SDK1: variants seen among roughly 807,000 people sequenced by gnomAD.
SDK1 encodes the protein protein sidekick-1.
SDK1 carries 157 observed loss-of-function variants against 245.5 expected under a neutral mutation model. The observed-to-expected ratio is 0.64, with a 90% CI of 0.56 to 0.73. SDK1 has a LOEUF of 0.73. Ranked by LOEUF, SDK1 falls within the 30% of genes least tolerant of loss-of-function variation. The pLI is 0.00. For synonymous variants in SDK1, 1,647 were observed against 1,278.5 expected (o/e 1.29, Z -6.15); for missense variants, 3,583 against 3,002.3 (o/e 1.19, Z -4.52).
At chr7:3,621,412 A>G (rs1781934270) in intron 2 of SDK1, among the ~76,000 whole-genome samples, 1 of 152,212 alleles carries the variant, frequency 6.6e-6, no homozygotes, top group African/African-American at 2.4e-5. Flanking sequence ...TAAAAATTAA[A>G]TTACATAGTG....
At chr7:3,828,015 C>T (rs192897316) in intron 5 of SDK1, among the ~76,000 whole-genome samples, 5 of 152,310 alleles carry the variant, frequency 3.3e-5, no homozygotes, top group Admixed American at 6.5e-5. Context: ...CATTGCCTCA[C>T]GCCTGTAATC....
At chr7:4,045,925 C>G (rs1191563681) in intron 17 of SDK1, among the ~76,000 whole-genome samples, 2 of 151,852 alleles carry the variant, frequency 1.3e-5, no homozygotes, top group East Asian at 3.9e-4. Context: ...TTTGAAAATT[C>G]TTTTTTCTGC....
intron 4 of SDK1, among the ~76,000 whole-genome samples, chr7:3,768,855 T>C (rs543592443): frequency 1.6e-4 from 25 of 152,330 alleles, no homozygotes; most frequent in Admixed American, 3.3e-4. Flanking sequence ...TCAGTTTTCC[T>C]TCCCCACTCC....
intron 1 of SDK1, among the ~76,000 whole-genome samples, chr7:3,352,539 C>A (rs1192930889): frequency 1.2e-4 from 18 of 152,178 alleles, no homozygotes; most frequent in Admixed American, 3.3e-4. Flanking sequence ...ACCAGCTGTG[C>A]CTGTAGTTAC....
intron 5 of SDK1, among the ~76,000 whole-genome samples, chr7:3,864,583 C>T (rs1780776105): frequency 6.6e-6 from 1 of 152,190 alleles, no homozygotes; most frequent in South Asian, 2.1e-4. Flanking sequence ...CAGAGCTGAA[C>T]TTGGCCACCC....
chr7:3,843,568 C>G (rs1321930746), intron 5 of SDK1, among the ~76,000 whole-genome samples: 2 of 152,124 alleles, frequency 1.3e-5, no homozygotes, highest in African/African-American at 2.4e-5. Flanking sequence ...TTTTTTAATT[C>G]ATTATGCTTT....
At chr7:3,972,217 C>G (rs997809800) in intron 12 of SDK1, among the ~76,000 whole-genome samples, 4 of 151,730 alleles carry the variant, frequency 2.6e-5, no homozygotes, top group East Asian at 1.9e-4. Context: ...GTAGCTGGGA[C>G]TACAAGTGCC....
chr7:3,536,488 G>A (rs769819846), intron 1 of SDK1, among the ~76,000 whole-genome samples: 4 of 152,082 alleles, frequency 2.6e-5, no homozygotes, highest in Admixed American at 1.3e-4. Context: ...GACCAGCCTG[G>A]CCAACTTGGC....
intron 4 of SDK1, among the ~76,000 whole-genome samples, chr7:3,659,809 C>G (rs766571785): frequency 2.0e-5 from 3 of 152,172 alleles, no homozygotes; most frequent in Non-Finnish European, 2.9e-5. Context: ...CAGATGAAGA[C>G]AGGGTGGATG....
At chr7:3,635,034 C>T (rs529403895) in intron 2 of SDK1, among the ~76,000 whole-genome samples, 40 of 152,126 alleles carry the variant, frequency 2.6e-4, no homozygotes, top group Non-Finnish European at 5.3e-4. Context: ...TATTTCTTCC[C>T]AAAAACTTTT....
At chr7:4,256,157 T>C (rs4723545) in intron 44 of SDK1, among the ~76,000 whole-genome samples, 46,055 of 152,122 alleles carry the variant, frequency 0.3, 7,592 homozygotes, top group African/African-American at 0.42. Flanking sequence ...TGACCTCAAG[T>C]GATCCGCCTG....
chr7:3,454,232 G>A (rs1780605286), intron 1 of SDK1, among the ~76,000 whole-genome samples: 1 of 152,048 alleles, frequency 6.6e-6, no homozygotes. Flanking sequence ...GGAAAACCAG[G>A]TCCACAAATA....
intron 4 of SDK1, among the ~76,000 whole-genome samples, chr7:3,797,999 A>G (rs1021905250): frequency 7.9e-5 from 12 of 152,248 alleles, no homozygotes; most frequent in South Asian, 2.1e-4. Context: ...AGATTTCTGT[A>G]ATGTTAACAT....
intron 1 of SDK1, among the ~76,000 whole-genome samples, chr7:3,384,676 C>T (rs1298672511): frequency 6.6e-6 from 1 of 152,230 alleles, no homozygotes; most frequent in Non-Finnish European, 1.5e-5. Context: ...TCCCTTGCCA[C>T]ATCGCGAATT....
intron 9 of SDK1, among the ~76,000 whole-genome samples, chr7:3,963,824 C>T (rs1781887877): frequency 6.6e-6 from 1 of 152,022 alleles, no homozygotes; most frequent in South Asian, 2.1e-4. Context: ...CACACCCAGG[C>T]CGACGGCTAC....
At chr7:3,613,491 C>T (rs1029352151) in intron 1 of SDK1, among the ~76,000 whole-genome samples, 2 of 152,128 alleles carry the variant, frequency 1.3e-5, no homozygotes, top group African/African-American at 2.4e-5. Context: ...GAGTTACAGG[C>T]ATTCTAACTG....
At chr7:3,406,222 A>T (rs1428845273) in intron 1 of SDK1, among the ~76,000 whole-genome samples, 2 of 152,164 alleles carry the variant, frequency 1.3e-5, no homozygotes, top group African/African-American at 4.8e-5. Flanking sequence ...CTCCATTACC[A>T]TCTCTCTGAT....
chr7:4,177,981 G>A (rs148731921), intron 34 of SDK1, among the ~76,000 whole-genome samples: 616 of 145,214 alleles, frequency 4.2e-3, no homozygotes, highest in Non-Finnish European at 5.7e-3. Flanking sequence ...TAAGGAGCAC[G>A]CAACCTAGAT....
chr7:3,777,983 G>C (rs930997023), intron 4 of SDK1, among the ~76,000 whole-genome samples: 7 of 152,132 alleles, frequency 4.6e-5, no homozygotes, highest in Non-Finnish European at 8.8e-5. Flanking sequence ...ATTGTGATTT[G>C]GCAGCTGACA....
Sources: allele counts gnomAD v4.1 joint callset (sites outside exome capture counted in the v4.1 genomes callset), GRCh38; gene constraint gnomAD v4.1.1; transcripts MANE v1.5; gene names NCBI Gene and HGNC (gene_info 2026-07-23, HGNC 2026-07-21).